The following TENM2 variants were observed in gnomAD, a reference collection of about 807,000 sequenced individuals.
TENM2 encodes the protein teneurin-2.
TENM2 carries 52 observed loss-of-function variants against 245.2 expected under a neutral mutation model. The ratio of observed to expected loss-of-function variants is 0.21; its 90% CI spans 0.17 to 0.27. The LOEUF is 0.27. Ranked by LOEUF, TENM2 falls within the 10% of genes least tolerant of loss-of-function variation. The pLI, the probability that TENM2 is intolerant of heterozygous loss-of-function variation, is 1.00. For synonymous variants in TENM2, 1,363 were observed against 1,438.9 expected, an observed-to-expected ratio of 0.95 and a Z score of 1.19; for missense variants, 3,046 against 3,666.8, an observed-to-expected ratio of 0.83 and a Z score of 4.37.
intron 2 of TENM2, among the ~76,000 whole-genome samples, chr5:167,669,089 C>A (rs1187553718): frequency 6.6e-6 from 1 of 152,116 alleles, no homozygotes; most frequent in African/African-American, 2.4e-5. Context: ...CCAAAACGAA[C>A]TTTAAAAATA....
chr5:167,353,506 T>TTTG (rs1554138253), intron 1 of TENM2, among the ~76,000 whole-genome samples: 10 of 102,512 alleles, frequency 9.8e-5, no homozygotes, highest in African/African-American at 4.4e-4. Context: ...TGTTGTTTTT[T>TTTG]TTTTTTTTTT....
intron 2 of TENM2, among the ~76,000 whole-genome samples, chr5:167,810,428 C>T (rs377409025): frequency 1.3e-5 from 2 of 151,776 alleles, no homozygotes; most frequent in Non-Finnish European, 1.5e-5. Flanking sequence ...TTCCCCTTAA[C>T]GGAACTTGGT....
intron 1 of TENM2, among the ~76,000 whole-genome samples, chr5:167,365,270 G>T (rs900323026): frequency 6.6e-6 from 1 of 151,900 alleles, no homozygotes; most frequent in African/African-American, 2.4e-5. Flanking sequence ...TTCAAATTTT[G>T]GGGGTACAGA....
At chr5:167,372,329 C>T (rs1037481659) in intron 1 of TENM2, among the ~76,000 whole-genome samples, 5 of 152,074 alleles carry the variant, frequency 3.3e-5, no homozygotes, top group Non-Finnish European at 5.9e-5. Context: ...TCCTGAAGAC[C>T]TCAAGTTTGT....
At chr5:167,105,937 C>CAAAG in the TENM2 span, among the ~76,000 whole-genome samples, 2 of 103,462 alleles carry the variant, frequency 1.9e-5, no homozygotes, top group Non-Finnish European at 3.7e-5. Context: ...AGAAAGTGAT[C>CAAAG]AAAGGAGGAA....
At chr5:167,375,986 A>T (rs2127314398) in intron 2 of TENM2, among the ~76,000 whole-genome samples, 1 of 152,278 alleles carries the variant, frequency 6.6e-6, no homozygotes, top group East Asian at 1.9e-4. Context: ...AAATAGGAAG[A>T]GACTTGTCTT....
At chr5:167,275,244 C>A in the TENM2 span, among the ~76,000 whole-genome samples, 1 of 152,040 alleles carries the variant, frequency 6.6e-6, no homozygotes, top group Non-Finnish European at 1.5e-5. Context: ...TCCACCAACA[C>A]CACACAGTAT....
At chr5:167,657,573 G>A (rs866655879) in intron 2 of TENM2, among the ~76,000 whole-genome samples, 2 of 152,198 alleles carry the variant, frequency 1.3e-5, no homozygotes, top group South Asian at 4.1e-4. Flanking sequence ...GTCCTTCACA[G>A]TGGCTATTGA....
chr5:168,136,540 A>T (rs970284904), intron 12 of TENM2, among the ~76,000 whole-genome samples: 1 of 152,196 alleles, frequency 6.6e-6, no homozygotes, highest in Non-Finnish European at 1.5e-5. Context: ...CTGTGTTTAC[A>T]CAGTAAAGGA....
intron 2 of TENM2, among the ~76,000 whole-genome samples, chr5:167,580,388 A>G (rs9313385): frequency 0.64 from 96,759 of 152,126 alleles, 31,543 homozygotes; most frequent in Middle Eastern, 0.74. Flanking sequence ...CTGTAGCTGC[A>G]TATATGCTGT....
intron 2 of TENM2, among the ~76,000 whole-genome samples, chr5:167,573,640 T>G (rs961936920): frequency 6.6e-5 from 10 of 152,038 alleles, no homozygotes; most frequent in African/African-American, 2.4e-4. Context: ...TCATTGACTC[T>G]CCTCTCTTCT....
intron 5 of TENM2, among the ~76,000 whole-genome samples, chr5:168,035,894 C>T (rs1365341605): frequency 1.3e-5 from 2 of 152,154 alleles, no homozygotes; most frequent in East Asian, 3.9e-4. Flanking sequence ...AAAGTAACTG[C>T]CTCGTGAGTG....
the TENM2 span, among the ~76,000 whole-genome samples, chr5:167,069,219 C>T: frequency 1.3e-5 from 2 of 152,136 alleles, no homozygotes; most frequent in African/African-American, 4.8e-5. Flanking sequence ...ATGAAGATAA[C>T]AACATCTTGC....
intron 3 of TENM2, among the ~76,000 whole-genome samples, chr5:167,930,997 C>T (rs1778238879): frequency 6.6e-6 from 1 of 152,052 alleles, no homozygotes; most frequent in Admixed American, 6.6e-5. Context: ...TTAATTCTTA[C>T]AAAAAAGCAG....
chr5:167,152,788 G>T, the TENM2 span, among the ~76,000 whole-genome samples: 2 of 152,140 alleles, frequency 1.3e-5, no homozygotes, highest in African/African-American at 4.8e-5. Context: ...TCTAGGGCAG[G>T]ACAGAGCAGG....
chr5:168,061,499 A>G (rs913960708), intron 6 of TENM2, among the ~76,000 whole-genome samples: 3 of 152,224 alleles, frequency 2.0e-5, no homozygotes, highest in Non-Finnish European at 2.9e-5. Flanking sequence ...ACAGAGATGC[A>G]TTAATATAAA....
chr5:167,603,014 T>C (rs1342743152), intron 2 of TENM2, among the ~76,000 whole-genome samples: 1 of 152,044 alleles, frequency 6.6e-6, no homozygotes, highest in African/African-American at 2.4e-5. Flanking sequence ...AGAATAAGAA[T>C]TGTAAGATGG....
chr5:167,445,336 T>TATATATATATATAGAGAGAGAGAG (rs368881390), intron 2 of TENM2, among the ~76,000 whole-genome samples: 9 of 77,292 alleles, frequency 1.2e-4, no homozygotes, highest in African/African-American at 3.3e-4. Flanking sequence ...TATATATATA[T>TATATATATATATAGAGAGAGAGAG]AGAGAGAGAG....
At chr5:167,648,030 T>C (rs904511973) in intron 2 of TENM2, among the ~76,000 whole-genome samples, 34 of 152,238 alleles carry the variant, frequency 2.2e-4, no homozygotes, top group African/African-American at 7.7e-4. Context: ...TGCTACGATG[T>C]ATCCCTATGT....
Sources: allele counts gnomAD v4.1 joint callset (sites outside exome capture counted in the v4.1 genomes callset), GRCh38; gene constraint gnomAD v4.1.1; transcripts MANE v1.5; gene names NCBI Gene and HGNC (gene_info 2026-07-23, HGNC 2026-07-21).